Variants in UBAC2 observed in about 807,000 individuals in gnomAD.
UBAC2 encodes the protein UBA domain containing 2, also known as ubiquitin-associated domain-containing protein 2.
UBAC2 carries 26 observed loss-of-function variants against 44.0 expected under a neutral mutation model. The ratio of observed to expected loss-of-function variants is 0.59; its 90% CI spans 0.43 to 0.82. UBAC2 has a LOEUF of 0.82. UBAC2 is among the 40% of genes least tolerant of loss of function. UBAC2 has a pLI of 0.00. For synonymous variants in UBAC2, 155 were observed against 154.3 expected (o/e 1.00, Z -0.04); for missense variants, 329 against 419.4 (o/e 0.78, Z 1.88).
At chr13:99,251,282 T>C (rs1479089699) in intron 4 of UBAC2, among the ~76,000 whole-genome samples, 1 of 152,166 alleles carries the variant, frequency 6.6e-6, no homozygotes, top group Non-Finnish European at 1.5e-5. Flanking sequence ...TTTGGCAGAG[T>C]CTTTAGGGTT....
chr13:99,355,163 T>C (rs17575706), intron 7 of UBAC2, among the ~76,000 whole-genome samples: 225 of 150,954 alleles, frequency 1.5e-3, no homozygotes, highest in Non-Finnish European at 2.5e-3. Context: ...TGTCAAAACA[T>C]TTACTGTAAC....
chr13:99,358,243 T>A (rs2045216444), intron 7 of UBAC2, among the ~76,000 whole-genome samples: 1 of 152,210 alleles, frequency 6.6e-6, no homozygotes, highest in Non-Finnish European at 1.5e-5. Context: ...GCAACAGGGA[T>A]GCATTGAGTA....
Position 99,292,988 on chromosome 13 carries a change from A to C in UBAC2, c.390-21109A>C, listed in dbSNP as rs1421503651. ...GGAAATAAATGTAAAGCTAACTAAT[A>C]ACAAGACAGTGAGAGGATGCCCACA... On this transcript the variant is annotated intron_variant, in intron 4 of 8. Transcript: ENST00000403766. Among the ~76,000 whole-genome samples, 4 of 152,326 alleles carry C rather than the reference A, an allele frequency of 2.6e-5. No homozygotes were observed. In the South Asian group the frequency reaches 8.3e-4, roughly 32 times the overall value.
intron 4 of UBAC2, among the ~76,000 whole-genome samples, chr13:99,297,741 G>A (rs1174485606): frequency 1.3e-5 from 2 of 151,960 alleles, no homozygotes; most frequent in Non-Finnish European, 2.9e-5. Flanking sequence ...AGAGGGTAGG[G>A]ATGTGTCACA....
intron 1 of UBAC2, among the ~76,000 whole-genome samples, chr13:99,222,902 G>A (rs2043066288): frequency 1.3e-5 from 2 of 152,128 alleles, no homozygotes; most frequent in African/African-American, 4.8e-5. Context: ...TTTCTGTGTT[G>A]TAACAGAGTT....
At chr13:99,382,969 T>C (rs923677444) in intron 8 of UBAC2, among the ~76,000 whole-genome samples, 1 of 152,130 alleles carries the variant, frequency 6.6e-6, no homozygotes, top group Non-Finnish European at 1.5e-5. Flanking sequence ...AAGTGCTTTA[T>C]GTAGGAAAAG....
chr13:99,237,230 TGATA>T (rs1465546180), intron 1 of UBAC2, among the ~76,000 whole-genome samples: 4 of 147,260 alleles, frequency 2.7e-5, no homozygotes, highest in East Asian at 2.0e-4. Flanking sequence ...AAAAAATGGA[TGATA>T]GATAAAGAAA....
chr13:99,351,665 A>G (rs755360539), intron 7 of UBAC2: 1 of 456,782 alleles, frequency 2.2e-6, no homozygotes, highest in South Asian at 1.5e-5. Flanking sequence ...ACTTGGGGAT[A>G]AAACTTTCCA....
At chr13:99,223,375 A>G (rs1347177717) in intron 1 of UBAC2, among the ~76,000 whole-genome samples, 2 of 151,900 alleles carry the variant, frequency 1.3e-5, no homozygotes, top group Non-Finnish European at 2.9e-5. Flanking sequence ...TGTCCTGATC[A>G]TTTCTGCTAG....
intron 1 of UBAC2, among the ~76,000 whole-genome samples, chr13:99,210,201 A>T (rs1593997358): frequency 6.6e-6 from 1 of 152,160 alleles, no homozygotes; most frequent in South Asian, 2.1e-4. Flanking sequence ...GAAATAACTG[A>T]CTTTGTTATA....
chr13:99,305,866 A>G (rs923473139), intron 4 of UBAC2, among the ~76,000 whole-genome samples: 1 of 152,096 alleles, frequency 6.6e-6, no homozygotes. Flanking sequence ...TAGATGTGTG[A>G]TCATCCATAG....
At chr13:99,308,041 C>G (rs2044362101) in intron 4 of UBAC2, 1 of 152,216 alleles carries the variant, frequency 6.6e-6, no homozygotes, top group African/African-American at 2.4e-5. Context: ...AAAATCCAGC[C>G]TCTTCAGCAC....
intron 4 of UBAC2, chr13:99,296,044 C>T: frequency 8.7e-6 from 14 of 1,614,046 alleles, no homozygotes; most frequent in Non-Finnish European, 1.2e-5. Context: ...AATGCAGAGG[C>T]ATTACTATCC....
intron 7 of UBAC2, among the ~76,000 whole-genome samples, chr13:99,343,427 C>G (rs961325572): frequency 3.9e-5 from 6 of 152,194 alleles, no homozygotes; most frequent in African/African-American, 1.4e-4. Flanking sequence ...ACCCAGGCCT[C>G]AGGGAATGAG....
intron 1 of UBAC2, among the ~76,000 whole-genome samples, chr13:99,212,051 A>G (rs545838001): frequency 6.6e-6 from 1 of 152,310 alleles, no homozygotes; most frequent in Non-Finnish European, 1.5e-5. Context: ...TTAGTGCTCT[A>G]CAGTTGTTTT....
At chr13:99,309,285 A>G (rs532014599) in intron 4 of UBAC2, among the ~76,000 whole-genome samples, 1 of 151,824 alleles carries the variant, frequency 6.6e-6, no homozygotes, top group South Asian at 2.1e-4. Flanking sequence ...TAATTTTTGT[A>G]TTTTTAGTAG....
At chr13:99,382,556 T>C (rs1330172555) in intron 8 of UBAC2, among the ~76,000 whole-genome samples, 2 of 152,182 alleles carry the variant, frequency 1.3e-5, no homozygotes, top group Non-Finnish European at 2.9e-5. Flanking sequence ...GGTGTCACAC[T>C]CAGTTCTGGG....
intron 1 of UBAC2, among the ~76,000 whole-genome samples, chr13:99,213,871 G>A (rs1014957871): frequency 3.9e-5 from 6 of 152,268 alleles, no homozygotes; most frequent in African/African-American, 1.4e-4. Context: ...TCAGGCTGGA[G>A]TATAGTGGCG....
intron 7 of UBAC2, among the ~76,000 whole-genome samples, chr13:99,352,663 A>G (rs1016085910): frequency 5.3e-5 from 8 of 152,076 alleles, no homozygotes; most frequent in Admixed American, 2.0e-4. Flanking sequence ...TACCATTTTC[A>G]TTACCGTCTA....
Sources: gnomAD v4.1 joint callset for allele counts (sites outside exome capture counted in the v4.1 genomes callset) on GRCh38, gnomAD v4.1.1 for gene constraint, MANE v1.5 for transcripts, NCBI Gene and HGNC (gene_info 2026-07-23, HGNC 2026-07-21) for gene names.